AGAP1: variants seen among roughly 807,000 people sequenced by gnomAD.
AGAP1 encodes ArfGAP with GTPase domain, ankyrin repeat and PH domain 1.
AGAP1 carries 29 observed loss-of-function variants against 105.3 expected under a neutral mutation model. That is an observed-to-expected ratio of 0.28 (90% CI 0.21 to 0.38). The LOEUF (loss-of-function observed/expected upper bound fraction) is 0.38. Among genes scored for constraint, AGAP1 ranks in the 10% least tolerant of loss-of-function variants. The pLI, the probability that AGAP1 is intolerant of heterozygous loss-of-function variation, is 1.00. For synonymous variants in AGAP1, 509 were observed against 485.9 expected, an observed-to-expected ratio of 1.05 and a Z score of -0.63; for missense variants, 998 against 1,165.1, an observed-to-expected ratio of 0.86 and a Z score of 2.09.
chr2:235,638,921 T>C (rs1471680775), intron 1 of AGAP1, among the ~76,000 whole-genome samples: 1 of 152,130 alleles, frequency 6.6e-6, no homozygotes, highest in African/African-American at 2.4e-5. Flanking sequence ...ACCTACTAGA[T>C]GCCAGTAACA....
At chr2:235,783,359 C>T (rs958150681) in intron 6 of AGAP1, 2 of 471,212 alleles carry the variant, frequency 4.2e-6, no homozygotes, top group Non-Finnish European at 4.4e-6. Context: ...TCTAAAAGCT[C>T]TTTGTTCCTT....
chr2:235,800,009 T>G (rs1957417445), intron 8 of AGAP1, among the ~76,000 whole-genome samples: 1 of 151,860 alleles, frequency 6.6e-6, no homozygotes, highest in African/African-American at 2.4e-5. Context: ...TCCACTTGGG[T>G]TTTTTGCTGT....
At chr2:236,043,501 C>T (rs1000963485) in intron 15 of AGAP1, among the ~76,000 whole-genome samples, 1 of 152,064 alleles carries the variant, frequency 6.6e-6, no homozygotes, top group Non-Finnish European at 1.5e-5. Flanking sequence ...CCAAGGTGGG[C>T]GGATCACCTG....
rs115007122 is a variant in AGAP1, at chr2:235,857,443, C to T, written c.1051-25902C>T. On this transcript the variant is annotated intron_variant, in intron 9 of 17. Coordinates refer to ENST00000304032, the MANE Select transcript of AGAP1 (RefSeq NM_001037131.3). ...CCTTTGACGAGCGTCCCCAAGGAGA[C>T]CTCAGACACAGGTTCCTGCCTTGCA... 5.4e-3 allele frequency among the ~76,000 whole-genome samples: 827 copies of T among 152,326 alleles called. 3 individuals carry two copies. Among genetic ancestry groups the T allele is most frequent in the African/African-American group, 0.019 (781 of 41,578 alleles).
At chr2:235,966,272 AG>A (rs57083060) in intron 12 of AGAP1, among the ~76,000 whole-genome samples, 2,540 of 94,318 alleles carry the variant, frequency 0.027, 78 homozygotes, top group African/African-American at 0.094. Flanking sequence ...GATGGAGGAG[AG>A]GGGGGCCTGT....
At chr2:235,727,889 T>G (rs1175003521) in intron 3 of AGAP1, among the ~76,000 whole-genome samples, 1 of 152,142 alleles carries the variant, frequency 6.6e-6, no homozygotes, top group African/African-American at 2.4e-5. Context: ...GGGTGCAGCA[T>G]GTCTAGTTTG....
At position 235,692,782 on chromosome 2, in the gene AGAP1, G is replaced by A. The variant is rs916514367; in HGVS notation, c.164-16397G>A. On this transcript the variant is annotated intron_variant, in intron 1 of 17. Coordinates refer to ENST00000304032, the MANE Select transcript of AGAP1 (RefSeq NM_001037131.3). This position sits in a 1 kb window ranked among gnomAD's most constrained non-coding sequence, Gnocchi z 5.8. ...ACAGCCCGCAGTCACAGGTCTTGCG[G>A]TGGACTTGCTGGTCGGCTGCTCTGC... Among the ~76,000 whole-genome samples the A allele has an allele frequency of 4.6e-5, 7 of 152,224 alleles. No homozygotes were observed. The highest frequency in any genetic ancestry group is 1.0e-4 in the Non-Finnish European group (7 of 68,036).
At chr2:235,636,503 G>C (rs959738160) in intron 1 of AGAP1, among the ~76,000 whole-genome samples, 3 of 152,262 alleles carry the variant, frequency 2.0e-5, no homozygotes, top group South Asian at 2.1e-4. Context: ...TGTCAGGGAC[G>C]GCAGAGAACT....
rs1553625039 is a variant in AGAP1, at chr2:235,763,057, T to TGCGCGCGC, written c.673+12574_673+12581dup. 6.5e-5 allele frequency among the ~76,000 whole-genome samples: 7 copies of TGCGCGCGC among 107,108 alleles called. 1 individual carries two copies. Among genetic ancestry groups the TGCGCGCGC allele is most frequent in the African/African-American group, 2.1e-4 (7 of 33,840 alleles). 70.3% of individuals were successfully genotyped at this position (107,108 alleles called of 152,430 possible). A position where few individuals can be genotyped will look rare whatever the true frequency, so the allele number is the denominator to read the frequency against. On this transcript the variant is annotated intron_variant, in intron 6 of 17. Transcript: ENST00000304032. ...TCGGGTGTGTGTGTGTGTGTATGTG[T>TGCGCGCGC]GCGCGCGCGCGCACACGTGCACCTG...
chr2:235,774,998 A>T, intron 6 of AGAP1, among the ~76,000 whole-genome samples: 1 of 152,042 alleles, frequency 6.6e-6, no homozygotes, highest in African/African-American at 2.4e-5. Flanking sequence ...ATTTTTTTTT[A>T]TGGAAGAGAT....
Position 235,671,306 on chromosome 2 carries a change from G to C in AGAP1, c.164-37873G>C, listed in dbSNP as rs1575084136. ...ACCTTCATCAAGGAGAGCTTGACCCGGGAGAGGTCGCCTTGCCAGCCGGCG... is the reference window on the plus strand; with the variant it reads ...ACCTTCATCAAGGAGAGCTTGACCCCGGAGAGGTCGCCTTGCCAGCCGGCG... On this transcript the variant is annotated intron_variant, in intron 1 of 17. Coordinates refer to ENST00000304032, the MANE Select transcript of AGAP1 (RefSeq NM_001037131.3). 4.6e-5 allele frequency among the ~76,000 whole-genome samples: 7 copies of C among 152,288 alleles called. No individual in the cohort carries two copies. In the South Asian group the frequency reaches 1.5e-3, roughly 32 times the overall value.
rs1339425989 is a variant in AGAP1, at chr2:236,003,475, T to TG, written c.1646-33084dup. ...TGTGTGTGGTCGCACGTCCTCCTCA[T>TG]GGCCACGCTGGGATGGAGGTGGACT... On this transcript the variant is annotated intron_variant, in intron 13 of 17. Coordinates refer to ENST00000304032, the MANE Select transcript of AGAP1 (RefSeq NM_001037131.3). The surrounding 1 kb of genome is among the most constrained non-coding windows in gnomAD (Gnocchi z 4.2). Among the ~76,000 whole-genome samples the TG allele has an allele frequency of 6.6e-6, 1 of 152,206 alleles. No homozygotes were observed. Among genetic ancestry groups the TG allele is most frequent in the Non-Finnish European group, 1.5e-5 (1 of 68,032 alleles).
chr2:235,903,645 C>T (rs1040887252), intron 10 of AGAP1, among the ~76,000 whole-genome samples: 2 of 152,182 alleles, frequency 1.3e-5, no homozygotes, highest in Admixed American at 6.5e-5. Flanking sequence ...TCACCATTTA[C>T]TGAGGACGGG....
rs537366020 is a variant in AGAP1 at position 235,728,505 on chromosome 2, C to G, written c.310+10861C>G. ...GTCCTTTATCCATGCTTGTTGGCTT[C>G]TGGAACGCACAGTGTTCAGGAGGAT... is the stretch of plus-strand genomic sequence containing the variant. On this transcript the variant is annotated intron_variant, in intron 3 of 17. Coordinates refer to ENST00000304032, the MANE Select transcript of AGAP1 (RefSeq NM_001037131.3). This position sits in a 1 kb window ranked among gnomAD's most constrained non-coding sequence, Gnocchi z 4.3. Among the ~76,000 whole-genome samples, 1 of 152,222 alleles carries G rather than the reference C, an allele frequency of 6.6e-6. No homozygotes were observed. Among genetic ancestry groups the G allele is most frequent in the African/African-American group, 2.4e-5 (1 of 41,546 alleles).
At position 235,494,614 on chromosome 2, in the gene AGAP1, G is replaced by A. The variant is rs1941223996; in HGVS notation, c.-73G>A. The A allele has an allele frequency of 1.2e-6, 1 of 848,616 alleles. No homozygotes were observed. The allele number at this position is 848,616 out of a possible 1,614,324, so 52.6% of individuals were successfully genotyped here. ...CCGGGGGCTGCGGCGCCCCGGGCTC[G>A]GCGGCCCGCGGGCCCCGGGGCGCGG... On this transcript the variant is annotated 5_prime_UTR_variant, in exon 1 of 18. Transcript: ENST00000304032.
At chr2:235,748,866 CT>C (rs1953185891) in intron 5 of AGAP1, among the ~76,000 whole-genome samples, 1 of 152,062 alleles carries the variant, frequency 6.6e-6, no homozygotes, top group South Asian at 2.1e-4. Flanking sequence ...TTATTGTTTT[CT>C]TTGGCATAAG....
At chr2:236,111,690 G>A (rs528914443) in intron 16 of AGAP1, among the ~76,000 whole-genome samples, 21 of 151,866 alleles carry the variant, frequency 1.4e-4, no homozygotes, top group Non-Finnish European at 2.8e-4. Flanking sequence ...TACTTGGGAG[G>A]CTGAGTTGAG....
chr2:236,020,692 G>A lies in AGAP1; in HGVS notation c.1646-15869G>A, dbSNP rs545026388. 5.3e-5 allele frequency among the ~76,000 whole-genome samples: 8 copies of A among 152,358 alleles called. No homozygotes were observed. The highest frequency in any genetic ancestry group is 3.9e-4 in the East Asian group (2 of 5,190). On this transcript the variant is annotated intron_variant, in intron 13 of 17. Coordinates refer to ENST00000304032, the MANE Select transcript of AGAP1 (RefSeq NM_001037131.3). The surrounding 1 kb of genome is among the most constrained non-coding windows in gnomAD (Gnocchi z 5.0). ...TGCTTCCCACAGAGCTGGGCACATA[G>A]GGAAGCTGGCCGCCGTGGCTGCTAT... is the stretch of plus-strand genomic sequence containing the variant.
rs111437564 is a variant in AGAP1 at position 236,051,912 on chromosome 2, T to A, written c.2114+2631T>A. On this transcript the variant is annotated intron_variant, in intron 16 of 17. Coordinates refer to ENST00000304032, the MANE Select transcript of AGAP1 (RefSeq NM_001037131.3). This position sits in a 1 kb window ranked among gnomAD's most constrained non-coding sequence, Gnocchi z 5.9. The stretch of plus-strand genomic sequence containing the variant: ...GTAGAAATTCAGACTCCCACCACCT[T>A]CACCACCTCCTGCACGTCCCCTCAA... Among the ~76,000 whole-genome samples, 1 of 152,024 alleles carries A rather than the reference T, an allele frequency of 6.6e-6. No individual in the cohort carries two copies. The highest frequency in any genetic ancestry group is 2.4e-5 in the African/African-American group (1 of 41,382).
Sources: gnomAD v4.1 joint callset for allele counts (sites outside exome capture counted in the v4.1 genomes callset) on GRCh38, gnomAD v4.1.1 for gene constraint, Gnocchi (gnomAD v3.1) non-coding constraint, MANE v1.5 for transcripts, NCBI Gene and HGNC (gene_info 2026-07-23, HGNC 2026-07-21) for gene names.